STAG1: variants seen among roughly 807,000 people sequenced by gnomAD.
The protein encoded by STAG1 is STAG1 cohesin complex component.
A neutral mutation model predicts 170.9 loss-of-function variants in STAG1; 26 were observed. That is an observed-to-expected ratio of 0.15 (90% CI 0.11 to 0.21). The LOEUF is 0.21. Ranked by LOEUF, STAG1 falls within the 10% of genes least tolerant of loss-of-function variation. The probability of loss-of-function intolerance (pLI) is 1.00; values close to 1 mark genes in which losing one functional copy is unlikely to be tolerated. For synonymous variants in STAG1, 514 were observed against 497.7 expected (o/e 1.03, Z -0.44); for missense variants, 964 against 1,509.5 (o/e 0.64, Z 5.99).
intron 1 of STAG1, among the ~76,000 whole-genome samples, chr3:136,635,969 C>T (rs1186667565): frequency 2.0e-5 from 3 of 152,080 alleles, no homozygotes; most frequent in Admixed American, 1.3e-4. Flanking sequence ...ATCCAGAGGC[C>T]GGGCACCATG....
intron 27 of STAG1, among the ~76,000 whole-genome samples, 182 bp downstream of exon 27, chr3:136,358,966 A>G (rs2108280885): frequency 6.6e-6 from 1 of 152,338 alleles, no homozygotes; most frequent in East Asian, 1.9e-4. Flanking sequence ...AAGATGAACA[A>G]ATGGGTGGTT....
At chr3:136,516,276 T>G (rs566806140) in intron 7 of STAG1, among the ~76,000 whole-genome samples, 1 of 152,194 alleles carries the variant, frequency 6.6e-6, no homozygotes, top group African/African-American at 2.4e-5. Context: ...TTAGAGGCCA[T>G]GGTATGCAAA....
At chr3:136,562,647 G>C (rs1936893224) in intron 5 of STAG1, among the ~76,000 whole-genome samples, 1 of 152,020 alleles carries the variant, frequency 6.6e-6, no homozygotes, top group Non-Finnish European at 1.5e-5. Context: ...GAGTGCAATG[G>C]TGTGATCTTG....
chr3:136,587,982 A>G (rs1435071841), intron 4 of STAG1, among the ~76,000 whole-genome samples: 4 of 152,182 alleles, frequency 2.6e-5, no homozygotes, highest in Non-Finnish European at 4.4e-5. Context: ...CAAAACAAAA[A>G]AATAGCCTAC....
intron 13 of STAG1, among the ~76,000 whole-genome samples, chr3:136,453,051 TTC>T (rs1336965638): frequency 3.9e-5 from 6 of 152,130 alleles, no homozygotes; most frequent in African/African-American, 1.4e-4. Context: ...TGGCCCTAAG[TTC>T]TATTTTCCTA....
intron 16 of STAG1, among the ~76,000 whole-genome samples, chr3:136,426,396 C>T (rs1370656746): frequency 2.0e-5 from 3 of 151,958 alleles, no homozygotes; most frequent in South Asian, 2.1e-4. Context: ...TGGGCAATAG[C>T]GAGACTCCGT....
intron 14 of STAG1, among the ~76,000 whole-genome samples, chr3:136,449,874 C>T (rs1453733176): frequency 6.8e-6 from 1 of 147,896 alleles, no homozygotes; most frequent in African/African-American, 2.5e-5. Flanking sequence ...TTATCTCATA[C>T]TTATCAATTT....
intron 9 of STAG1, among the ~76,000 whole-genome samples, chr3:136,497,111 AC>A (rs1933149930): frequency 6.6e-6 from 1 of 152,132 alleles, no homozygotes; most frequent in South Asian, 2.1e-4. Context: ...ATACTTAAAA[AC>A]CTTCCTGCAA....
At chr3:136,572,248 A>G (rs1475538012) in intron 4 of STAG1, among the ~76,000 whole-genome samples, 1 of 151,990 alleles carries the variant, frequency 6.6e-6, no homozygotes, top group Non-Finnish European at 1.5e-5. Flanking sequence ...ATACAATAAA[A>G]TAAACATTAA....
chr3:136,492,520 A>C (rs1211756073), intron 9 of STAG1, among the ~76,000 whole-genome samples: 1 of 152,236 alleles, frequency 6.6e-6, no homozygotes, highest in Non-Finnish European at 1.5e-5. Context: ...TCACTTGAAA[A>C]AAGTAAATGA....
intron 1 of STAG1, among the ~76,000 whole-genome samples, chr3:136,694,804 G>A (rs958043243): frequency 6.6e-6 from 1 of 152,056 alleles, no homozygotes; most frequent in Non-Finnish European, 1.5e-5. Flanking sequence ...TAATAATAAA[G>A]GGAAAAGTTT....
intron 26 of STAG1, among the ~76,000 whole-genome samples, chr3:136,361,930 CTTATG>C (rs1276985542): frequency 1.3e-5 from 2 of 150,380 alleles, no homozygotes; most frequent in Non-Finnish European, 3.0e-5. Flanking sequence ...TTATTAATTA[CTTATG>C]TTATATATAA....
chr3:136,546,758 G>C (rs1936172116), intron 5 of STAG1, among the ~76,000 whole-genome samples: 1 of 152,166 alleles, frequency 6.6e-6, no homozygotes, highest in South Asian at 2.1e-4. Flanking sequence ...AGAGCAAAAA[G>C]TTTTAGCAAG....
intron 5 of STAG1, among the ~76,000 whole-genome samples, chr3:136,552,840 T>C (rs1202857172): frequency 6.6e-6 from 1 of 152,166 alleles, no homozygotes; most frequent in South Asian, 2.1e-4. Context: ...TGGTCCTAGA[T>C]TGGTAGCGCC....
Position 136,556,610 on chromosome 3 carries a change from TCTCA to T in STAG1, c.394+12151_394+12154del, listed in dbSNP as rs1035642080. On this transcript the variant is annotated intron_variant, in intron 5 of 33. Coordinates refer to ENST00000383202, the MANE Select transcript of STAG1 (RefSeq NM_005862.3). Reference sequence around the variant, plus strand: ...GTTTGTTTGTTTTTTTGAGACAGGTTCTCACTCTGTCACTCAGGCAGGAGTACAA... The same window carrying T: ...GTTTGTTTGTTTTTTTGAGACAGGTTCTCTGTCACTCAGGCAGGAGTACAA... 2.9e-4 allele frequency among the ~76,000 whole-genome samples: 44 copies of T among 152,146 alleles called. 1 individual carries two copies. Among genetic ancestry groups the T allele is most frequent in the African/African-American group, 1.0e-3 (43 of 41,502 alleles).
chr3:136,630,440 C>A (rs1031921657), intron 2 of STAG1, among the ~76,000 whole-genome samples: 3 of 152,144 alleles, frequency 2.0e-5, no homozygotes, highest in Admixed American at 6.5e-5. Context: ...TGACACCAAA[C>A]TATTTTTTGT....
At chr3:136,354,926 G>GA (rs944875950) in intron 28 of STAG1, among the ~76,000 whole-genome samples, 2 of 151,670 alleles carry the variant, frequency 1.3e-5, no homozygotes, top group African/African-American at 2.4e-5. Context: ...TGAAAGGATG[G>GA]AAAAAAAGGT....
intron 14 of STAG1, among the ~76,000 whole-genome samples, chr3:136,445,214 A>T (rs770143514): frequency 3.6e-4 from 55 of 152,074 alleles, no homozygotes; most frequent in Non-Finnish European, 6.2e-4. Flanking sequence ...ACTGATTAGC[A>T]TCTTTGCTTG....
intron 15 of STAG1, 103 bp from the exon 16 acceptor site, chr3:136,433,762 C>A: frequency 3.8e-6 from 3 of 782,000 alleles, no homozygotes; most frequent in African/African-American, 1.8e-5. Flanking sequence ...TCTATTACTG[C>A]TTATTTTAAA....
Sources: gnomAD v4.1 joint callset for allele counts (sites outside exome capture counted in the v4.1 genomes callset) on GRCh38, gnomAD v4.1.1 for gene constraint, MANE v1.5 for transcripts, NCBI Gene and HGNC (gene_info 2026-07-23, HGNC 2026-07-21) for gene names.